Variants in ARHGEF26 observed in about 807,000 individuals in gnomAD.
ARHGEF26 encodes the protein Rho guanine nucleotide exchange factor 26.
A neutral mutation model predicts 89.4 loss-of-function variants in ARHGEF26; 59 were observed. That is an observed-to-expected ratio of 0.66 (90% CI 0.54 to 0.82). The LOEUF is 0.82. ARHGEF26 is among the 40% of genes least tolerant of loss of function. The pLI, the probability that ARHGEF26 is intolerant of heterozygous loss-of-function variation, is 0.00. For missense variants in ARHGEF26, 1,234 were observed against 1,085.6 expected, an observed-to-expected ratio of 1.14 and a Z score of -1.92; for synonymous variants, 500 against 428.4, an observed-to-expected ratio of 1.17 and a Z score of -2.06.
At chr3:154,148,965 G>A (rs1171491622) in intron 4 of ARHGEF26, among the ~76,000 whole-genome samples, 2 of 152,142 alleles carry the variant, frequency 1.3e-5, no homozygotes, top group African/African-American at 4.8e-5. Context: ...GAAATGGGAT[G>A]CCTTTCATAT....
In ARHGEF26 at chr3:154,122,688, C is replaced by T. The variant is rs1030997463; in HGVS notation, c.696C>T (p.Ser232=). ...AGAACGAGCTCCTCGAGAATCCTTC[C>T]GTGGTTTTGAGTACAAACAGCCCCG... The part of the protein sequence containing the change: ...SQENELLENP[S]VVLSTNSPAA... Residue 232 remains serine (S), a synonymous_variant, in exon 2 of 15, where the codon TCC becomes TCT. Transcript: ENST00000465093. 10 of 1,613,696 alleles carry T rather than the reference C, an allele frequency of 6.2e-6. No individual in the cohort carries two copies. In the Admixed American group the frequency reaches 1.0e-4, roughly 16 times the overall value.
chr3:154,139,836 G>A (rs1719248741), intron 4 of ARHGEF26, among the ~76,000 whole-genome samples: 1 of 152,130 alleles, frequency 6.6e-6, no homozygotes, highest in Non-Finnish European at 1.5e-5. Context: ...ATATTAGGAT[G>A]TTTATTATCT....
chr3:154,139,436 G>A (rs1176586298), intron 4 of ARHGEF26, among the ~76,000 whole-genome samples: 1 of 152,210 alleles, frequency 6.6e-6, no homozygotes, highest in Admixed American at 6.5e-5. Context: ...TTGGGGAGTT[G>A]GAAGGGATAC....
intron 12 of ARHGEF26, among the ~76,000 whole-genome samples, chr3:154,241,637 T>C (rs1169018046): frequency 2.6e-5 from 4 of 152,114 alleles, no homozygotes; most frequent in African/African-American, 9.7e-5. Context: ...ACGTCTCCAG[T>C]AGGGGAGAGA....
intron 6 of ARHGEF26, among the ~76,000 whole-genome samples, chr3:154,164,560 G>T (rs1197481690): frequency 6.6e-6 from 1 of 152,086 alleles, no homozygotes; most frequent in Non-Finnish European, 1.5e-5. Flanking sequence ...GATTGGCTAA[G>T]ATTGACCTTG....
chr3:154,255,903 A>C lies in ARHGEF26; in HGVS notation c.*430A>C. 2 of 989,504 alleles carry C rather than the reference A, an allele frequency of 2.0e-6. No individual in the cohort carries two copies. The highest frequency in any genetic ancestry group is 2.4e-6 in the Non-Finnish European group (2 of 832,654). 61.3% of individuals were successfully genotyped at this position (989,504 alleles called of 1,614,324 possible). A position where few individuals can be genotyped will look rare whatever the true frequency, so the allele number is the denominator to read the frequency against. ...GATTGTATATCTGTAAAGAATGTCC[A>C]GTTTTGTAAATATTTCCCTGCCTTT... is the stretch of plus-strand genomic sequence containing the variant. On this transcript the variant is annotated 3_prime_UTR_variant, in exon 15 of 15. Coordinates refer to ENST00000465093, the MANE Select transcript of ARHGEF26 (RefSeq NM_015595.4).
chr3:154,233,296 A>T (rs73875328), intron 11 of ARHGEF26, among the ~76,000 whole-genome samples: 6,372 of 152,240 alleles, frequency 0.042, 455 homozygotes, highest in African/African-American at 0.14. Flanking sequence ...GTGAAAAAAA[A>T]TTTTTAACTC....
intron 8 of ARHGEF26, among the ~76,000 whole-genome samples, chr3:154,194,377 A>G (rs1714152825): frequency 6.6e-6 from 1 of 152,176 alleles, no homozygotes; most frequent in Admixed American, 6.5e-5. Flanking sequence ...AAGATTTGAT[A>G]ACTAGTAAGG....
chr3:154,212,677 A>G (rs1715451103), intron 9 of ARHGEF26, among the ~76,000 whole-genome samples: 1 of 152,120 alleles, frequency 6.6e-6, no homozygotes, highest in Admixed American at 6.5e-5. Flanking sequence ...TTAGATTCTC[A>G]TAAGGAGCAC....
At position 154,254,388 on chromosome 3, in the gene ARHGEF26, A is replaced by G. The variant is rs374198767; in HGVS notation, c.2369-332A>G. On this transcript the variant is annotated intron_variant, in intron 13 of 14. Transcript: ENST00000465093. Reference sequence around the variant, plus strand: ...TGCAGATTTTGCATGGCCTTGGCACATCAGCAACTCTTTCATGTCTCAGTT... The same window carrying G: ...TGCAGATTTTGCATGGCCTTGGCACGTCAGCAACTCTTTCATGTCTCAGTT... Among the ~76,000 whole-genome samples the G allele has an allele frequency of 2.3e-4, 35 of 152,330 alleles. No homozygotes were observed. The South Asian group carries it at 3.1e-3, about 14-fold the overall frequency.
intron 6 of ARHGEF26, among the ~76,000 whole-genome samples, chr3:154,172,882 A>G (rs1293759196): frequency 2.6e-5 from 4 of 152,166 alleles, no homozygotes; most frequent in Non-Finnish European, 5.9e-5. Flanking sequence ...TAAATTGCAT[A>G]AGTAATGTCC....
intron 6 of ARHGEF26, among the ~76,000 whole-genome samples, chr3:154,157,577 T>C (rs1711498740): frequency 6.6e-6 from 1 of 152,098 alleles, no homozygotes; most frequent in African/African-American, 2.4e-5. Context: ...GTTAAAAGAT[T>C]TGAGGCAATT....
intron 6 of ARHGEF26, 94 bp downstream of exon 6, chr3:154,153,026 A>G (rs1000829678): frequency 6.1e-6 from 7 of 1,142,454 alleles, no homozygotes; most frequent in South Asian, 2.6e-5. Context: ...CTGGTTATCA[A>G]GTCTCATTCA....
At chr3:154,253,247 C>A in intron 13 of ARHGEF26, 64 bp downstream of exon 13, 1 of 1,583,660 alleles carries the variant, frequency 6.3e-7, no homozygotes, top group Non-Finnish European at 8.6e-7. Context: ...TGCTGGACGC[C>A]GGGTTACTAA....
intron 11 of ARHGEF26, among the ~76,000 whole-genome samples, chr3:154,231,916 C>A (rs957143867): frequency 1.4e-5 from 2 of 147,848 alleles, no homozygotes; most frequent in Non-Finnish European, 3.0e-5. Flanking sequence ...TTTTTTTTCA[C>A]TATTCCTAAA....
Position 154,122,712 on chromosome 3 carries a change from C to T in ARHGEF26, c.720C>T (p.Pro240=), listed in dbSNP as rs1718055027. 13 of 1,613,482 alleles carry T rather than the reference C, an allele frequency of 8.1e-6. No individual in the cohort carries two copies. The East Asian group carries it at 2.7e-4, about 33-fold the overall frequency. ...CCGTGGTTTTGAGTACAAACAGCCC[C>T]GCCGCCCTCAAAGTGGGGAAGCAGC... ...NPSVVLSTNS[P]AALKVGKQQI... is the part of the protein sequence containing the mutation. The change falls in exon 2 of 15, where the codon CCC becomes CCT. Residue 240 remains proline, a synonymous_variant. Coordinates refer to ENST00000465093, the MANE Select transcript of ARHGEF26 (RefSeq NM_015595.4).
At chr3:154,166,534 A>G (rs1174612706) in intron 6 of ARHGEF26, among the ~76,000 whole-genome samples, 2 of 152,212 alleles carry the variant, frequency 1.3e-5, no homozygotes, top group Non-Finnish European at 2.9e-5. Flanking sequence ...GTTGAACAAC[A>G]TCTTTGAGGG....
chr3:154,137,236 G>A (rs1014446852), intron 4 of ARHGEF26, among the ~76,000 whole-genome samples: 3 of 152,142 alleles, frequency 2.0e-5, no homozygotes, highest in African/African-American at 4.8e-5. Flanking sequence ...GAATTATCAT[G>A]GGAGGGGAGC....
At chr3:154,222,533 C>T (rs1716196974) in intron 10 of ARHGEF26, among the ~76,000 whole-genome samples, 1 of 152,130 alleles carries the variant, frequency 6.6e-6, no homozygotes, top group Admixed American at 6.5e-5. Context: ...TACTTTCCCT[C>T]ATGGAATTAT....
Sources: gnomAD v4.1 joint callset for allele counts (sites outside exome capture counted in the v4.1 genomes callset) on GRCh38, gnomAD v4.1.1 for gene constraint, MANE v1.5 for transcripts, NCBI Gene and HGNC (gene_info 2026-07-23, HGNC 2026-07-21) for gene names.